ANKS1B: variants seen among roughly 807,000 people sequenced by gnomAD.
ANKS1B encodes the protein ankyrin repeat and sterile alpha motif domain containing 1B.
In ANKS1B, 36 loss-of-function variants were observed where a neutral mutation model predicts 148.3. The observed-to-expected ratio is 0.24, with a 90% CI of 0.19 to 0.32. ANKS1B has a LOEUF of 0.32. Ranked by LOEUF, ANKS1B falls within the 10% of genes least tolerant of loss-of-function variation. ANKS1B has a pLI of 1.00. For synonymous variants in ANKS1B, 542 were observed against 560.8 expected, an observed-to-expected ratio of 0.97 and a Z score of 0.47; for missense variants, 1,157 against 1,542.6, an observed-to-expected ratio of 0.75 and a Z score of 4.19.
intron 17 of ANKS1B, among the ~76,000 whole-genome samples, chr12:98,844,841 T>C (rs957338640): frequency 2.6e-5 from 4 of 152,184 alleles, no homozygotes; most frequent in Non-Finnish European, 1.5e-5. Context: ...ATCAGATTTT[T>C]CAATGACATA....
chr12:99,379,742 C>A (rs1415760829), intron 12 of ANKS1B, among the ~76,000 whole-genome samples: 1 of 152,176 alleles, frequency 6.6e-6, no homozygotes, highest in Non-Finnish European at 1.5e-5. Flanking sequence ...AGTTGTGAAT[C>A]CTAGTGTCTA....
At chr12:99,681,482 TGA>T (rs1357586252) in intron 8 of ANKS1B, among the ~76,000 whole-genome samples, 1 of 152,182 alleles carries the variant, frequency 6.6e-6, no homozygotes, top group East Asian at 1.9e-4. Flanking sequence ...TATCCACAGC[TGA>T]GAGAACTGAA....
chr12:99,734,793 A>T (rs2153572882), intron 8 of ANKS1B, among the ~76,000 whole-genome samples: 1 of 152,328 alleles, frequency 6.6e-6, no homozygotes, highest in African/African-American at 2.4e-5. Context: ...TACCAAAATT[A>T]TTCTCTCAAA....
chr12:99,984,153 C>T lies in ANKS1B; in HGVS notation c.85G>A (p.Gly29Arg). The T allele has an allele frequency of 6.2e-7, 1 of 1,613,928 alleles. No individual in the cohort carries two copies. Among genetic ancestry groups the T allele is most frequent in the Non-Finnish European group, 8.5e-7 (1 of 1,179,864 alleles). ...GGTCCGGATCCACCGCCCAGGATCC[C>T]TCCTTTCCTGCCAGACAGGAGTTTC... is the stretch of plus-strand genomic sequence containing the variant. ...VEKLLSGRKG[G>R]ILGGGSGPLP... The change falls in exon 1 of 27, where the codon GGG becomes AGG. Residue 29 changes from glycine to arginine, a missense_variant. This residue lies in a region of ANKS1B where 164 missense variants were observed against 232.6 expected (regional missense o/e 0.71). Coordinates refer to ENST00000683438, the MANE Select transcript of ANKS1B (RefSeq NM_001352186.2).
At chr12:98,851,282 G>C in intron 17 of ANKS1B, among the ~76,000 whole-genome samples, 1 of 152,172 alleles carries the variant, frequency 6.6e-6, no homozygotes, top group East Asian at 1.9e-4. Context: ...ATGCTCTTAG[G>C]GAGTAGGTTC....
At chr12:99,008,565 A>C (rs1446026844) in intron 17 of ANKS1B, among the ~76,000 whole-genome samples, 4 of 152,040 alleles carry the variant, frequency 2.6e-5, no homozygotes, top group Admixed American at 1.3e-4. Context: ...GCAATCAGCC[A>C]CTCGGGACTT....
chr12:99,258,301 A>G (rs1036340898), intron 12 of ANKS1B, among the ~76,000 whole-genome samples: 3 of 152,126 alleles, frequency 2.0e-5, no homozygotes, highest in Non-Finnish European at 4.4e-5. Context: ...TTAATTAATT[A>G]TGGCCTCAAA....
intron 14 of ANKS1B, among the ~76,000 whole-genome samples, chr12:99,226,799 G>A (rs1018634844): frequency 2.0e-5 from 3 of 152,104 alleles, no homozygotes; most frequent in Non-Finnish European, 2.9e-5. Context: ...ACTTAGACAC[G>A]GTGAGACGTA....
At chr12:99,563,029 C>A (rs1417516379) in intron 9 of ANKS1B, among the ~76,000 whole-genome samples, 1 of 152,198 alleles carries the variant, frequency 6.6e-6, no homozygotes, top group Non-Finnish European at 1.5e-5. Flanking sequence ...TCTTCCGAAG[C>A]TTCTTCACCT....
At chr12:98,889,686 AT>A (rs1169323109) in intron 17 of ANKS1B, among the ~76,000 whole-genome samples, 1 of 152,168 alleles carries the variant, frequency 6.6e-6, no homozygotes, top group Non-Finnish European at 1.5e-5. Context: ...CTGGTTTTTT[AT>A]TGTGTATAAC....
chr12:99,086,886 A>G (rs1443840085), intron 15 of ANKS1B, among the ~76,000 whole-genome samples: 6 of 152,180 alleles, frequency 3.9e-5, no homozygotes, highest in African/African-American at 1.2e-4. Context: ...AGTGATGAGT[A>G]CCATTAGACA....
intron 17 of ANKS1B, among the ~76,000 whole-genome samples, chr12:98,979,667 A>ATT (rs58780711): frequency 0.028 from 4,191 of 148,024 alleles, 133 homozygotes; most frequent in African/African-American, 0.076. Context: ...ATGCTTTTAG[A>ATT]TTTTTTTTTT....
chr12:99,747,868 T>A (rs572734189), intron 8 of ANKS1B, among the ~76,000 whole-genome samples: 5 of 152,240 alleles, frequency 3.3e-5, no homozygotes. Context: ...AAACAACATC[T>A]AAACTCCTAA....
intron 22 of ANKS1B, among the ~76,000 whole-genome samples, chr12:98,797,319 C>T (rs1016252030): frequency 2.6e-5 from 4 of 151,688 alleles, no homozygotes; most frequent in African/African-American, 7.2e-5. Flanking sequence ...CAGACAGACC[C>T]GAATTCCAGT....
chr12:98,769,353 A>T (rs924895916), intron 25 of ANKS1B, among the ~76,000 whole-genome samples: 3 of 151,884 alleles, frequency 2.0e-5, no homozygotes, highest in Non-Finnish European at 2.9e-5. Context: ...GAATTGCTCA[A>T]AGTCCCAGGT....
At chr12:99,192,369 C>G (rs910936029) in intron 14 of ANKS1B, among the ~76,000 whole-genome samples, 1 of 152,042 alleles carries the variant, frequency 6.6e-6, no homozygotes, top group Admixed American at 6.6e-5. Context: ...TATGGATTAT[C>G]TAGGGAGAAT....
At chr12:98,848,471 G>C (rs1468287592) in intron 17 of ANKS1B, among the ~76,000 whole-genome samples, 1 of 151,842 alleles carries the variant, frequency 6.6e-6, no homozygotes, top group Non-Finnish European at 1.5e-5. Context: ...CACACTTACT[G>C]ATCACATCGA....
intron 9 of ANKS1B, among the ~76,000 whole-genome samples, chr12:99,632,727 C>A (rs1311960003): frequency 6.7e-4 from 26 of 39,038 alleles, no homozygotes; most frequent in Admixed American, 1.4e-3. Flanking sequence ...CCTTTTCTTT[C>A]TATATATATA....
chr12:98,849,353 G>A (rs1326157202), intron 17 of ANKS1B, among the ~76,000 whole-genome samples: 2 of 152,068 alleles, frequency 1.3e-5, no homozygotes, highest in Non-Finnish European at 2.9e-5. Flanking sequence ...TATGAGCAGA[G>A]GTAAAAATCC....
Sources: gnomAD v4.1 joint callset for allele counts (sites outside exome capture counted in the v4.1 genomes callset) on GRCh38, gnomAD v4.1.1 for gene constraint, gnomAD v4.1.1 regional missense constraint, MANE v1.5 for transcripts, NCBI Gene and HGNC (gene_info 2026-07-23, HGNC 2026-07-21) for gene names.